Variants in TMC2 observed in about 807,000 individuals in gnomAD.
The protein encoded by TMC2 is transmembrane channel-like protein 2.
A neutral mutation model predicts 105.9 loss-of-function variants in TMC2; 102 were observed. That is an observed-to-expected ratio of 0.96 (90% CI 0.82 to 1.14). TMC2 has a LOEUF of 1.14. Among genes scored for constraint, TMC2 ranks in the 50% most tolerant of loss-of-function variants. The probability of loss-of-function intolerance (pLI) is 0.00; values close to 1 mark genes in which losing one functional copy is unlikely to be tolerated. For synonymous variants in TMC2, 402 were observed against 422.8 expected (o/e 0.95, Z 0.60); for missense variants, 1,093 against 1,134.3 (o/e 0.96, Z 0.52).
intron 2 of TMC2, among the ~76,000 whole-genome samples, chr20:2,545,865 A>AAAAGAAAGAAATGAAAG (rs2085922221): frequency 8.6e-6 from 1 of 116,472 alleles, no homozygotes; most frequent in Non-Finnish European, 1.9e-5. Flanking sequence ...GAAAGAAAGA[A>AAAAGAAAGAAATGAAAG]AAAGAAAGAA....
At chr20:2,639,649 T>C (rs961671288) in intron 19 of TMC2, among the ~76,000 whole-genome samples, 2 of 152,240 alleles carry the variant, frequency 1.3e-5, no homozygotes, top group Non-Finnish European at 2.9e-5. Flanking sequence ...CTATAGTTTA[T>C]ATTCTCTGAA....
In TMC2 at chr20:2,592,485, G is replaced by T. The variant is rs1042105250; in HGVS notation, c.933+77G>T. The T allele has an allele frequency of 2.0e-6, 2 of 1,016,022 alleles. No individual in the cohort carries two copies. Among genetic ancestry groups the T allele is most frequent in the African/African-American group, 3.2e-5 (2 of 63,078 alleles). 62.9% of individuals were successfully genotyped at this position (1,016,022 alleles called of 1,614,324 possible). A position where few individuals can be genotyped will look rare whatever the true frequency, so the allele number is the denominator to read the frequency against. ...AGATTGCATGGATAAGTATGAAATA[G>T]TGCGTTTAATTATTGAAAAACCATT... On this transcript the variant is annotated intron_variant, in intron 8 of 19. Transcript: ENST00000358864. This position sits in a 1 kb window ranked among gnomAD's most constrained non-coding sequence, Gnocchi z 4.9.
chr20:2,542,855 C>T (rs891369340), intron 2 of TMC2, among the ~76,000 whole-genome samples: 1 of 151,642 alleles, frequency 6.6e-6, no homozygotes, highest in Non-Finnish European at 1.5e-5. Context: ...CCACGCTTGG[C>T]TAATTTTTAT....
At chr20:2,579,580 C>T (rs1471062397) in intron 6 of TMC2, among the ~76,000 whole-genome samples, 2 of 151,854 alleles carry the variant, frequency 1.3e-5, no homozygotes. Flanking sequence ...GGCCACCACA[C>T]CTGGCTAATT....
At chr20:2,556,568 T>A (rs112087697) in intron 2 of TMC2, among the ~76,000 whole-genome samples, 3,107 of 152,146 alleles carry the variant, frequency 0.02, 115 homozygotes, top group African/African-American at 0.07. Context: ...GCCAGGAGTT[T>A]GAGATCAGCC....
chr20:2,576,921 T>G (rs575964858), intron 5 of TMC2, among the ~76,000 whole-genome samples: 4,573 of 149,132 alleles, frequency 0.031, 268 homozygotes, highest in African/African-American at 0.11. Flanking sequence ...TTGTTTTTTT[T>G]TTTTTGAGAT....
At position 2,572,170 on chromosome 20, in the gene TMC2, T is replaced by C. The variant is rs747449177; in HGVS notation, c.555-9T>C. 22 of 1,604,528 alleles carry C rather than the reference T, an allele frequency of 1.4e-5. No individual in the cohort carries two copies. Among genetic ancestry groups the C allele is most frequent in the Admixed American group, 3.4e-5 (2 of 59,302 alleles). On this transcript the variant is annotated splice_polypyrimidine_tract_variant and intron_variant, in intron 4 of 19. Transcript: ENST00000358864. ...CTGAAATCCTGCTTTTTTTTTTTTTTCTAAGCAGGGAGGCCCAGGAATTTG... is the reference window on the plus strand; with the variant it reads ...CTGAAATCCTGCTTTTTTTTTTTTTCCTAAGCAGGGAGGCCCAGGAATTTG...
intron 2 of TMC2, among the ~76,000 whole-genome samples, chr20:2,545,726 G>A (rs963381218): frequency 6.8e-6 from 1 of 148,124 alleles, no homozygotes; most frequent in African/African-American, 2.5e-5. Context: ...AAGAAGATGA[G>A]GAAGAAGAAG....
intron 16 of TMC2, among the ~76,000 whole-genome samples, chr20:2,622,537 G>C (rs1369037501): frequency 6.6e-6 from 1 of 152,088 alleles, no homozygotes; most frequent in African/African-American, 2.4e-5. Flanking sequence ...GCGTAGTGGT[G>C]CCTGCCTGTA....
Position 2,558,303 on chromosome 20 carries a change from C to T in TMC2, c.83-153C>T. ...CTTCAGCTTAAAATACTCAACATGC[C>T]AAGGTGCCATACTTTGGGGTGTCCT... is the stretch of plus-strand genomic sequence containing the variant. On this transcript the variant is annotated intron_variant, in intron 2 of 19. Transcript: ENST00000358864. The surrounding 1 kb of genome is among the most constrained non-coding windows in gnomAD (Gnocchi z 4.6). 6.9e-7 allele frequency: 1 copy of T among 1,444,904 alleles called. No homozygotes were observed. The highest frequency in any genetic ancestry group is 9.1e-7 in the Non-Finnish European group (1 of 1,096,178). The allele number at this position is 1,444,904 out of a possible 1,614,324, so 89.5% of individuals were successfully genotyped here. A position where few individuals can be genotyped will look rare whatever the true frequency, so the allele number is the denominator to read the frequency against.
At chr20:2,537,409 T>G in intron 2 of TMC2, 93 bp downstream of exon 2, 6 of 1,025,970 alleles carry the variant, frequency 5.8e-6, no homozygotes, top group Non-Finnish European at 7.5e-6. Context: ...AACATTCTCC[T>G]TCATCTCCTT....
rs1474218163 is a variant in TMC2, at chr20:2,592,444, T to C, written c.933+36T>C. 1 of 1,393,254 alleles carries C rather than the reference T, an allele frequency of 7.2e-7. No individual in the cohort carries two copies. The allele number at this position is 1,393,254 out of a possible 1,614,324, so 86.3% of individuals were successfully genotyped here. On this transcript the variant is annotated intron_variant, in intron 8 of 19. Transcript: ENST00000358864. This position sits in a 1 kb window ranked among gnomAD's most constrained non-coding sequence, Gnocchi z 4.9. The stretch of plus-strand genomic sequence containing the variant: ...CAACATGCCAATGAACTTCCATTTG[T>C]GATTATAAAGGCTAAAGATTGCATG...
intron 2 of TMC2, among the ~76,000 whole-genome samples, chr20:2,542,971 A>T (rs139534361): frequency 0.01 from 1,543 of 152,150 alleles, 25 homozygotes; most frequent in African/African-American, 0.033. Context: ...GCATGGTGGC[A>T]CACACCTGTA....
intron 17 of TMC2, 142 bp downstream of exon 17, chr20:2,624,538 AT>A: frequency 9.7e-7 from 1 of 1,034,402 alleles, no homozygotes; most frequent in Non-Finnish European, 1.4e-6. Context: ...AAGTGTAAGT[AT>A]TTTATTAGGG....
intron 7 of TMC2, among the ~76,000 whole-genome samples, chr20:2,581,365 T>C (rs1457632691): frequency 6.6e-6 from 1 of 152,244 alleles, no homozygotes; most frequent in Non-Finnish European, 1.5e-5. Context: ...TACTCTTTCA[T>C]AAACACACCT....
At chr20:2,570,669 C>A (rs1428186947) in intron 4 of TMC2, among the ~76,000 whole-genome samples, 5 of 152,010 alleles carry the variant, frequency 3.3e-5, no homozygotes, top group African/African-American at 1.2e-4. Flanking sequence ...TCACAGGAAC[C>A]AAAAATGAGC....
chr20:2,545,326 T>C (rs1169286862), intron 2 of TMC2, among the ~76,000 whole-genome samples: 4 of 152,188 alleles, frequency 2.6e-5, no homozygotes, highest in Non-Finnish European at 4.4e-5. Context: ...AGGATTTCAG[T>C]TCTCAAACCA....
At chr20:2,568,912 C>A (rs1461903723) in intron 4 of TMC2, among the ~76,000 whole-genome samples, 2 of 152,148 alleles carry the variant, frequency 1.3e-5, no homozygotes, top group Non-Finnish European at 2.9e-5. Flanking sequence ...TCACACGTAT[C>A]AACTGTCCAC....
rs116156772 is a variant in TMC2, at chr20:2,625,675, G to A, written c.2306+1279G>A. ...GATAGTTAGGCTGTTTCCACTTTTC[G>A]GCTATTGCAAACTGCGCTCCAGCCA... On this transcript the variant is annotated intron_variant, in intron 17 of 19. Coordinates refer to ENST00000358864, the MANE Select transcript of TMC2 (RefSeq NM_080751.3). 6.1e-3 allele frequency among the ~76,000 whole-genome samples: 927 copies of A among 152,190 alleles called. 11 individuals carry two copies. The highest frequency in any genetic ancestry group is 0.021 in the African/African-American group (883 of 41,506).
Sources: allele counts gnomAD v4.1 joint callset (sites outside exome capture counted in the v4.1 genomes callset), GRCh38; gene constraint gnomAD v4.1.1; non-coding constraint Gnocchi (gnomAD v3.1); transcripts MANE v1.5; gene names NCBI Gene and HGNC (gene_info 2026-07-23, HGNC 2026-07-21).